PIK3C2G: variants seen among roughly 807,000 people sequenced by gnomAD.
PIK3C2G encodes the protein phosphatidylinositol-4-phosphate 3-kinase catalytic subunit type 2 gamma.
A neutral mutation model predicts 181.1 loss-of-function variants in PIK3C2G; 168 were observed. The ratio of observed to expected loss-of-function variants is 0.93; its 90% CI spans 0.82 to 1.05. The LOEUF is 1.05. Ranked by LOEUF, PIK3C2G falls within the 50% of genes least tolerant of loss-of-function variation. The probability of loss-of-function intolerance (pLI) is 0.00; values close to 1 mark genes in which losing one functional copy is unlikely to be tolerated. For synonymous variants in PIK3C2G, 573 were observed against 592.2 expected (o/e 0.97, Z 0.47); for missense variants, 1,869 against 1,732.8 (o/e 1.08, Z -1.40).
the PIK3C2G span, among the ~76,000 whole-genome samples, chr12:18,660,315 C>A: frequency 1.3e-5 from 2 of 152,160 alleles, no homozygotes; most frequent in East Asian, 1.9e-4. Context: ...GATCTGTGTT[C>A]TGATATCTGA....
the PIK3C2G span, among the ~76,000 whole-genome samples, chr12:18,712,665 C>T: frequency 6.6e-6 from 1 of 152,122 alleles, no homozygotes; most frequent in Non-Finnish European, 1.5e-5. Context: ...CTGAAACTAA[C>T]TTTGATAAAT....
intron 25 of PIK3C2G, among the ~76,000 whole-genome samples, chr12:18,538,883 G>T (rs530749933): frequency 3.9e-5 from 6 of 152,040 alleles, no homozygotes; most frequent in African/African-American, 1.4e-4. Flanking sequence ...AAAATTTAAG[G>T]TTTTATTCCA....
In PIK3C2G at chr12:18,290,980, A is replaced by G; in HGVS notation, c.887A>G (p.Asn296Ser). The change falls in exon 4 of 33, where the codon AAC (asparagine) becomes AGC (serine). Residue 296 changes from asparagine (N) to serine (S), a missense_variant. Coordinates refer to ENST00000538779, the MANE Select transcript of PIK3C2G (RefSeq NM_001288772.2). ...TKFNIHIFID[N>S]STQPLHFMPC... ...TTTAATATACATATTTTTATTGATA[A>G]CTCAACACAACCTCTTCATTTTATG... 1 of 1,600,426 alleles carries G rather than the reference A, an allele frequency of 6.2e-7. No homozygotes were observed. The highest frequency in any genetic ancestry group is 1.3e-5 in the African/African-American group (1 of 74,742).
intron 31 of PIK3C2G, among the ~76,000 whole-genome samples, chr12:18,615,242 C>G (rs749002968): frequency 1.3e-5 from 2 of 151,642 alleles, no homozygotes; most frequent in Non-Finnish European, 2.9e-5. Context: ...TCCTGAGTTG[C>G]TTCACTTAAA....
At chr12:18,316,889 A>T (rs1950887036) in intron 6 of PIK3C2G, among the ~76,000 whole-genome samples, 1 of 152,084 alleles carries the variant, frequency 6.6e-6, no homozygotes, top group Non-Finnish European at 1.5e-5. Context: ...TAGCAATAAG[A>T]TCTCAGCCCT....
At chr12:18,581,697 G>A (rs542092846) in intron 29 of PIK3C2G, among the ~76,000 whole-genome samples, 3 of 152,312 alleles carry the variant, frequency 2.0e-5, no homozygotes, top group South Asian at 4.1e-4. Flanking sequence ...ACGTCAAGTA[G>A]GAAGGTGGAT....
intron 29 of PIK3C2G, among the ~76,000 whole-genome samples, chr12:18,572,028 A>G (rs1945972228): frequency 6.7e-6 from 1 of 150,270 alleles, no homozygotes; most frequent in Admixed American, 6.6e-5. Context: ...TACCATAGAC[A>G]TTAAACTATG....
Position 18,303,231 on chromosome 12 carries a change from CTCTT to C in PIK3C2G, c.1034+9220_1034+9223del, listed in dbSNP as rs1279149245. On this transcript the variant is annotated intron_variant, in intron 5 of 32. Transcript: ENST00000538779. The stretch of plus-strand genomic sequence containing the variant: ...CTTTCTCTTTTCTTTCCTTCTTTCT[CTCTT>C]TCTCTCTCCTTCCTTCCTTCTTCCT... Among the ~76,000 whole-genome samples, 8 of 145,482 alleles carry C rather than the reference CTCTT, an allele frequency of 5.5e-5. No individual in the cohort carries two copies. In the South Asian group the frequency reaches 8.8e-4, roughly 16 times the overall value.
chr12:18,308,981 G>A (rs900638134), intron 5 of PIK3C2G, among the ~76,000 whole-genome samples: 1 of 151,680 alleles, frequency 6.6e-6, no homozygotes, highest in African/African-American at 2.4e-5. Context: ...TTGAGTGGAA[G>A]TATATAAAGA....
chr12:18,421,664 G>T (rs998562188), intron 17 of PIK3C2G, among the ~76,000 whole-genome samples: 1 of 151,906 alleles, frequency 6.6e-6, no homozygotes. Context: ...AGAATAGAAG[G>T]TAAGTTGTTT....
chr12:18,644,774 TCCTA>T (rs1233824191), intron 32 of PIK3C2G, among the ~76,000 whole-genome samples: 5 of 152,310 alleles, frequency 3.3e-5, no homozygotes, highest in African/African-American at 1.2e-4. Context: ...ATGCTGTTAT[TCCTA>T]CCTGTCTCCT....
chr12:18,342,902 G>A (rs1939273410), intron 9 of PIK3C2G, among the ~76,000 whole-genome samples: 1 of 151,934 alleles, frequency 6.6e-6, no homozygotes, highest in Non-Finnish European at 1.5e-5. Context: ...AAACTATTTA[G>A]TGAATCTGTA....
intron 1 of PIK3C2G, among the ~76,000 whole-genome samples, chr12:18,272,585 A>G (rs1484170853): frequency 6.6e-6 from 1 of 152,174 alleles, no homozygotes; most frequent in Non-Finnish European, 1.5e-5. Context: ...TGACAGCTTT[A>G]TTTTAACAAT....
chr12:18,585,636 C>T (rs902947275), intron 29 of PIK3C2G, among the ~76,000 whole-genome samples: 1 of 152,180 alleles, frequency 6.6e-6, no homozygotes, highest in Non-Finnish European at 1.5e-5. Flanking sequence ...CTAGACAGAT[C>T]ATTGAGGCAG....
chr12:18,436,889 T>C (rs543849830), intron 18 of PIK3C2G, among the ~76,000 whole-genome samples: 4 of 152,140 alleles, frequency 2.6e-5, no homozygotes, highest in African/African-American at 9.6e-5. Context: ...AAACGATGTT[T>C]ATTTTAACCC....
intron 29 of PIK3C2G, among the ~76,000 whole-genome samples, chr12:18,567,261 T>G (rs1255675198): frequency 6.6e-6 from 1 of 151,964 alleles, no homozygotes; most frequent in African/African-American, 2.4e-5. Context: ...TATCCAGGCA[T>G]AGTGACACAT....
chr12:18,668,688 C>G, the PIK3C2G span, among the ~76,000 whole-genome samples: 4 of 152,160 alleles, frequency 2.6e-5, no homozygotes, highest in Non-Finnish European at 5.9e-5. Flanking sequence ...CAACTCACCT[C>G]CAGCCCATAA....
At chr12:18,662,033 C>T in the PIK3C2G span, among the ~76,000 whole-genome samples, 1 of 152,060 alleles carries the variant, frequency 6.6e-6, no homozygotes, top group Non-Finnish European at 1.5e-5. Flanking sequence ...GAACAGAAAA[C>T]CAATACTGCG....
chr12:18,243,930 T>A (rs1325682051), upstream of PIK3C2G, among the ~76,000 whole-genome samples: 2 of 151,944 alleles, frequency 1.3e-5, no homozygotes, highest in African/African-American at 4.8e-5. Context: ...CTAGGTATTA[T>A]AACAGACAAA....
Sources: allele counts gnomAD v4.1 joint callset (sites outside exome capture counted in the v4.1 genomes callset), GRCh38; gene constraint gnomAD v4.1.1; transcripts MANE v1.5; gene names NCBI Gene and HGNC (gene_info 2026-07-23, HGNC 2026-07-21).